RARB: variants seen among roughly 807,000 people sequenced by gnomAD.
The protein encoded by RARB is HBV-activated protein.
In RARB, 17 loss-of-function variants were observed where a neutral mutation model predicts 51.9. The observed-to-expected ratio is 0.33, with a 90% confidence interval of 0.22 to 0.49. The LOEUF is 0.49. RARB is among the 20% of genes least tolerant of loss of function. The pLI is 0.99. For synonymous variants in RARB, 215 were observed against 195.4 expected (o/e 1.10, Z -0.84); for missense variants, 369 against 550.8 (o/e 0.67, Z 3.30).
chr3:24,997,366 C>T (rs963166336), intron 2 of RARB, among the ~76,000 whole-genome samples: 13 of 151,332 alleles, frequency 8.6e-5, no homozygotes, highest in Admixed American at 2.0e-4. Flanking sequence ...GTGATGTTGG[C>T]GGCCTCAAGT....
chr3:25,329,036 A>T (rs991841065), intron 5 of RARB, among the ~76,000 whole-genome samples: 2 of 152,190 alleles, frequency 1.3e-5, no homozygotes, highest in Non-Finnish European at 2.9e-5. Flanking sequence ...AAGCTTGAAC[A>T]GGGTGGAACC....
chr3:24,849,423 C>T (rs963421111), intron 1 of RARB, among the ~76,000 whole-genome samples: 1 of 152,218 alleles, frequency 6.6e-6, no homozygotes, highest in Non-Finnish European at 1.5e-5. Flanking sequence ...TCCAGTTATT[C>T]TCGCTACTTA....
chr3:25,187,829 T>G (rs1176477354), intron 5 of RARB, among the ~76,000 whole-genome samples: 1 of 152,128 alleles, frequency 6.6e-6, no homozygotes, highest in African/African-American at 2.4e-5. Context: ...CCTATGACTT[T>G]ACATTTTGTT....
At chr3:25,254,829 C>A (rs1702821977) in intron 5 of RARB, among the ~76,000 whole-genome samples, 1 of 152,000 alleles carries the variant, frequency 6.6e-6, no homozygotes, top group Non-Finnish European at 1.5e-5. Flanking sequence ...TTTGACTCTG[C>A]CATTACCTTG....
intron 2 of RARB, among the ~76,000 whole-genome samples, chr3:24,979,580 T>C (rs1398565474): frequency 1.3e-5 from 2 of 152,010 alleles, no homozygotes; most frequent in Non-Finnish European, 2.9e-5. Flanking sequence ...TTTTTTGTTT[T>C]GTTTTGTTTT....
At position 25,066,419 on chromosome 3, in the gene RARB, G is replaced by A. The variant is rs556238019; in HGVS notation, c.-328+6243G>A. The stretch of plus-strand genomic sequence containing the variant: ...TAATATTTGAGAATCAGGAGTAACA[G>A]GCCATTTGAGTAAATAATTTGTGCC... On this transcript the variant is annotated intron_variant, in intron 3 of 11. Coordinates refer to the RARB transcript ENST00000383772. Among the ~76,000 whole-genome samples the A allele has an allele frequency of 8.5e-5, 13 of 152,206 alleles. No homozygotes were observed. The East Asian group carries it at 2.5e-3, about 29-fold the overall frequency.
At chr3:24,953,702 T>C (rs1208011976) in intron 2 of RARB, among the ~76,000 whole-genome samples, 1 of 152,210 alleles carries the variant, frequency 6.6e-6, no homozygotes, top group African/African-American at 2.4e-5. Flanking sequence ...ACAGATTTTT[T>C]TTCAAAAACA....
chr3:25,362,601 G>T (rs923395542), intron 5 of RARB, among the ~76,000 whole-genome samples: 3 of 152,200 alleles, frequency 2.0e-5, no homozygotes, highest in African/African-American at 4.8e-5. Context: ...CACTTGTGGG[G>T]TAGGCACCTG....
At chr3:25,259,122 C>G in intron 5 of RARB, 1 of 953,246 alleles carries the variant, frequency 1.0e-6, no homozygotes, top group Non-Finnish European at 1.2e-6. Flanking sequence ...GACAATAACA[C>G]ACCTCTCAAG....
chr3:25,282,643 C>T lies in RARB; in HGVS notation c.178+108068C>T, dbSNP rs141925906. Among the ~76,000 whole-genome samples the T allele has an allele frequency of 5.5e-4, 83 of 152,210 alleles. 1 individual carries two copies. The East Asian group carries it at 6.4e-3, about 12-fold the overall frequency. On this transcript the variant is annotated intron_variant, in intron 5 of 11. Coordinates refer to the RARB transcript ENST00000383772. ...ATAAATATTTGCTGAGTGGATCACG[C>T]GCTCACAGCATCACCAGAAGAGCTG...
chr3:24,837,558 C>T (rs1434704968), intron 1 of RARB, among the ~76,000 whole-genome samples: 2 of 152,140 alleles, frequency 1.3e-5, no homozygotes, highest in Non-Finnish European at 2.9e-5. Context: ...TTCAATGTTA[C>T]AGTTAAAAGA....
At chr3:25,159,876 A>G (rs1188165637) in intron 4 of RARB, among the ~76,000 whole-genome samples, 1 of 152,140 alleles carries the variant, frequency 6.6e-6, no homozygotes, top group African/African-American at 2.4e-5. Flanking sequence ...CACCCCAAAC[A>G]CCCACAAAGA....
At chr3:25,053,108 T>A (rs1698369805) in intron 2 of RARB, among the ~76,000 whole-genome samples, 1 of 151,804 alleles carries the variant, frequency 6.6e-6, no homozygotes, top group South Asian at 2.1e-4. Flanking sequence ...AGAAGTGGAG[T>A]AGGCTGAGGG....
chr3:25,215,530 A>G (rs556347592), intron 5 of RARB, among the ~76,000 whole-genome samples: 1 of 152,278 alleles, frequency 6.6e-6, no homozygotes, highest in African/African-American at 2.4e-5. Flanking sequence ...GCCTCTCCAG[A>G]CAGGGCAAGA....
chr3:25,124,622 C>G (rs1699834057), intron 3 of RARB, among the ~76,000 whole-genome samples: 1 of 152,126 alleles, frequency 6.6e-6, no homozygotes, highest in South Asian at 2.1e-4. Context: ...GAAATTTTTT[C>G]TAAATATTTC....
rs181662086 is a variant in RARB, at chr3:24,865,578, C to T, written c.-380+6826C>T. ...AGAGACCGTGCTTTACTGAGTCTCA[C>T]GTAGCCCTCTTCCACCTCTCTGTCC... On this transcript the variant is annotated intron_variant, in intron 2 of 11. Coordinates refer to the RARB transcript ENST00000383772. Among the ~76,000 whole-genome samples the T allele has an allele frequency of 4.0e-4, 61 of 152,226 alleles. 1 individual carries two copies. Among genetic ancestry groups the T allele is most frequent in the East Asian group, 1.9e-3 (10 of 5,178 alleles).
At chr3:25,496,638 G>A (rs1697048424) in intron 2 of RARB, among the ~76,000 whole-genome samples, 1 of 152,172 alleles carries the variant, frequency 6.6e-6, no homozygotes, top group Non-Finnish European at 1.5e-5. Context: ...CAGTGGTATT[G>A]TTTTAGACTT....
intron 3 of RARB, 67 bp downstream of exon 3, chr3:25,501,390 G>A (rs544128240): frequency 6.4e-7 from 1 of 1,555,102 alleles, no homozygotes; most frequent in South Asian, 1.2e-5. Flanking sequence ...ACCTTCCACA[G>A]TCATGTGGAA....
intron 5 of RARB, among the ~76,000 whole-genome samples, chr3:25,190,687 C>T (rs1192209147): frequency 6.6e-6 from 1 of 152,132 alleles, no homozygotes; most frequent in Non-Finnish European, 1.5e-5. Flanking sequence ...AAATGCCCTT[C>T]CTCCAAAAAG....
Sources: gnomAD v4.1 joint callset for allele counts (sites outside exome capture counted in the v4.1 genomes callset) on GRCh38, gnomAD v4.1.1 for gene constraint, MANE v1.5 for transcripts, NCBI Gene and HGNC (gene_info 2026-07-23, HGNC 2026-07-21) for gene names.